Variants in KDM4B observed in about 807,000 individuals in gnomAD.
KDM4B encodes lysine-specific demethylase 4B.
A neutral mutation model predicts 125.2 loss-of-function variants in KDM4B; 32 were observed. That is an observed-to-expected ratio of 0.26 (90% CI 0.19 to 0.34). The LOEUF (loss-of-function observed/expected upper bound fraction) is 0.34, where lower values mean the gene tolerates loss of function less well. Ranked by LOEUF, KDM4B falls within the 10% of genes least tolerant of loss-of-function variation. KDM4B has a pLI of 1.00. For missense variants in KDM4B, 1,190 were observed against 1,577.7 expected (o/e 0.75, Z 4.16); for synonymous variants, 721 against 677.9 (o/e 1.06, Z -0.99).
intron 5 of KDM4B, among the ~76,000 whole-genome samples, chr19:5,045,499 C>T (rs1026489494): frequency 1.3e-5 from 2 of 152,130 alleles, no homozygotes; most frequent in South Asian, 2.1e-4. Context: ...CATTTCTGTG[C>T]CTCAGCTTCC....
intron 1 of KDM4B, among the ~76,000 whole-genome samples, chr19:5,010,358 C>T (rs984791660): frequency 5.9e-5 from 9 of 152,140 alleles, no homozygotes; most frequent in Admixed American, 3.3e-4. Flanking sequence ...GTGGCTGATG[C>T]GGCTCAGCGT....
chr19:4,994,020 G>GTTTTTTTTTTTTTTTTTTTTTGTT (rs2035113946), intron 1 of KDM4B, among the ~76,000 whole-genome samples: 2 of 66,708 alleles, frequency 3.0e-5, no homozygotes, highest in Non-Finnish European at 5.4e-5. Context: ...TTTTCAGCCT[G>GTTTTTTTTTTTTTTTTTTTTTGTT]TTTTTTTTTT....
At chr19:4,985,660 A>G (rs2034802140) in intron 1 of KDM4B, among the ~76,000 whole-genome samples, 1 of 152,212 alleles carries the variant, frequency 6.6e-6, no homozygotes, top group Non-Finnish European at 1.5e-5. Flanking sequence ...GGGTGTGAGC[A>G]TGGCAGGAGG....
intron 6 of KDM4B, among the ~76,000 whole-genome samples, chr19:5,067,390 C>A (rs781545204): frequency 6.6e-6 from 1 of 152,166 alleles, no homozygotes; most frequent in Admixed American, 6.5e-5. Context: ...GCAGACCCTC[C>A]GCACCCTGCC....
At chr19:5,002,453 C>CTCCTT (rs368377983) in intron 1 of KDM4B, among the ~76,000 whole-genome samples, 198 of 150,890 alleles carry the variant, frequency 1.3e-3, no homozygotes, top group South Asian at 9.9e-3. Flanking sequence ...CCCTTTCTCT[C>CTCCTT]TCCTTTCCTT....
At position 5,033,042 on chromosome 19, in the gene KDM4B, T is replaced by C; in HGVS notation, c.141+11T>C. ...GCGGGCCTGGCCAAGGTGGGTGACA[T>C]CCTGGCCCCAGCGCGGCCCTCCATC... On this transcript the variant is annotated intron_variant, in intron 3 of 22. Coordinates refer to ENST00000159111, the MANE Select transcript of KDM4B (RefSeq NM_015015.3). 6.2e-7 allele frequency: 1 copy of C among 1,612,098 alleles called. No individual in the cohort carries two copies.
Position 5,151,518 on chromosome 19 carries a change from T to C in KDM4B, c.*7T>C, listed in dbSNP as rs2039947897. 6 of 1,369,478 alleles carry C rather than the reference T, an allele frequency of 4.4e-6. No individual in the cohort carries two copies. 84.8% of individuals were successfully genotyped at this position (1,369,478 alleles called of 1,614,324 possible). ...GCCCGGAGCCCCCTTCTAGGACAGC[T>C]GGCCGCTCAGGCGACCCTCAGCCCG... is the stretch of plus-strand genomic sequence containing the variant. On this transcript the variant is annotated 3_prime_UTR_variant, in exon 23 of 23. Transcript: ENST00000159111.
At chr19:5,077,546 C>A in intron 8 of KDM4B, 76 bp downstream of exon 8, 2 of 1,231,474 alleles carry the variant, frequency 1.6e-6, no homozygotes, top group East Asian at 2.3e-5. Flanking sequence ...GCACATACCC[C>A]AGGAGATAAG....
intron 9 of KDM4B, among the ~76,000 whole-genome samples, chr19:5,106,345 C>T (rs987478333): frequency 9.2e-5 from 14 of 152,198 alleles, no homozygotes; most frequent in African/African-American, 2.9e-4. Context: ...TAGGCGAGAT[C>T]GCTAGCAGGG....
chr19:5,099,129 A>G (rs1235107966), intron 9 of KDM4B, among the ~76,000 whole-genome samples: 1 of 152,216 alleles, frequency 6.6e-6, no homozygotes, highest in African/African-American at 2.4e-5. Context: ...AGCAGTGGGC[A>G]GTGGAGAGGA....
intron 4 of KDM4B, 139 bp from the exon 5 acceptor site, chr19:5,040,998 C>A: frequency 1.8e-6 from 1 of 552,548 alleles, no homozygotes; most frequent in Non-Finnish European, 3.3e-6. Flanking sequence ...TTGCGTGGTA[C>A]CCTAGGCGGG....
intron 1 of KDM4B, among the ~76,000 whole-genome samples, chr19:4,980,522 C>G (rs2034601460): frequency 6.8e-6 from 1 of 147,776 alleles, no homozygotes; most frequent in South Asian, 2.2e-4. Context: ...CTCCTGGGTT[C>G]AAGTGATTCT....
rs1061273 is a variant in KDM4B, at chr19:5,142,806, C to T, written c.2551-1161C>T. On this transcript the variant is annotated intron_variant, in intron 18 of 22. Coordinates refer to ENST00000159111, the MANE Select transcript of KDM4B (RefSeq NM_015015.3). The surrounding 1 kb of genome is among the most constrained non-coding windows in gnomAD (Gnocchi z 5.4). ...ATAACGAGATCTCGATGCCGTCGAT[C>T]GGCCCTGCTCCAGGCCCTTGGCTTA... Among the ~76,000 whole-genome samples the T allele has an allele frequency of 0.21, 31,707 of 150,950 alleles. 3,725 individuals carry two copies. The highest frequency in any genetic ancestry group is 0.46 in the East Asian group (2,358 of 5,074).
intron 1 of KDM4B, among the ~76,000 whole-genome samples, chr19:4,992,829 C>G (rs1474740385): frequency 6.6e-6 from 1 of 152,100 alleles, no homozygotes; most frequent in African/African-American, 2.4e-5. Flanking sequence ...CCTGTTCAAC[C>G]CTGTGATTAT....
intron 9 of KDM4B, among the ~76,000 whole-genome samples, chr19:5,110,296 C>A (rs1289992795): frequency 6.6e-6 from 1 of 152,150 alleles, no homozygotes; most frequent in Non-Finnish European, 1.5e-5. Flanking sequence ...CATAGCGAGA[C>A]CCCATCTCTA....
rs993190186 is a variant in KDM4B at position 5,081,548 on chromosome 19, G to A, written c.781-819G>A. Among the ~76,000 whole-genome samples, 5 of 152,116 alleles carry A rather than the reference G, an allele frequency of 3.3e-5. No individual in the cohort carries two copies. Among genetic ancestry groups the A allele is most frequent in the African/African-American group, 9.7e-5 (4 of 41,420 alleles). On this transcript the variant is annotated intron_variant, in intron 8 of 22. Coordinates refer to ENST00000159111, the MANE Select transcript of KDM4B (RefSeq NM_015015.3). The surrounding 1 kb of genome is among the most constrained non-coding windows in gnomAD (Gnocchi z 4.2). ...TGTGGGCCCCACCCCAGCCACGCAC[G>A]CCTCGGCTCCTCAGTTTAGGGGGTC... is the stretch of plus-strand genomic sequence containing the variant.
In KDM4B at chr19:5,082,874, C is replaced by T. The variant is rs73919728; in HGVS notation, c.918+370C>T. On this transcript the variant is annotated intron_variant, in intron 9 of 22. Coordinates refer to ENST00000159111, the MANE Select transcript of KDM4B (RefSeq NM_015015.3). This position sits in a 1 kb window ranked among gnomAD's most constrained non-coding sequence, Gnocchi z 5.4. ...TCCCCCCTGCTGGCTGGCTCCTGGG[C>T]ATCTCCTGGCCATCATGGTCCTGGG... Among the ~76,000 whole-genome samples the T allele has an allele frequency of 0.045, 6,776 of 152,248 alleles. 508 individuals are homozygous for T. The highest frequency in any genetic ancestry group is 0.15 in the African/African-American group (6,385 of 41,524).
chr19:5,101,203 CAA>C (rs2038924582), intron 9 of KDM4B, among the ~76,000 whole-genome samples: 1 of 111,172 alleles, frequency 9.0e-6, no homozygotes, highest in African/African-American at 3.6e-5. Context: ...ACCTGGGCAA[CAA>C]GAGCAAGACT....
At chr19:5,111,568 C>T (rs777785099) in intron 10 of KDM4B, 8 of 755,648 alleles carry the variant, frequency 1.1e-5, no homozygotes, top group Non-Finnish European at 1.7e-5. Flanking sequence ...TCCCCAGCCC[C>T]TCCTCTGGGA....
Sources: allele counts gnomAD v4.1 joint callset (sites outside exome capture counted in the v4.1 genomes callset), GRCh38; gene constraint gnomAD v4.1.1; non-coding constraint Gnocchi (gnomAD v3.1); transcripts MANE v1.5; gene names NCBI Gene and HGNC (gene_info 2026-07-23, HGNC 2026-07-21).